CDH13: variants seen among roughly 807,000 people sequenced by gnomAD.
The protein encoded by CDH13 is cadherin 13.
A neutral mutation model predicts 63.8 loss-of-function variants in CDH13; 24 were observed. The observed-to-expected ratio is 0.38, with a 90% CI of 0.27 to 0.53. CDH13 has a LOEUF of 0.53. Among genes scored for constraint, CDH13 ranks in the 20% least tolerant of loss-of-function variants. The pLI is 0.85. For missense variants in CDH13, 1,049 were observed against 903.1 expected, an observed-to-expected ratio of 1.16 and a Z score of -2.07; for synonymous variants, 503 against 355.3, an observed-to-expected ratio of 1.42 and a Z score of -4.67.
At chr16:82,817,728 T>G (rs2037793368) in intron 1 of CDH13, among the ~76,000 whole-genome samples, 1 of 151,986 alleles carries the variant, frequency 6.6e-6, no homozygotes, top group African/African-American at 2.4e-5. Context: ...TCACTTGAAC[T>G]CAGGAGGCAG....
At chr16:82,999,949 G>T (rs1912682729) in intron 2 of CDH13, among the ~76,000 whole-genome samples, 1 of 152,080 alleles carries the variant, frequency 6.6e-6, no homozygotes, top group African/African-American at 2.4e-5. Context: ...GTCATGCTGG[G>T]GGATGCTGCT....
chr16:82,690,435 G>T (rs2150975111), intron 1 of CDH13, among the ~76,000 whole-genome samples: 1 of 152,190 alleles, frequency 6.6e-6, no homozygotes, highest in South Asian at 2.1e-4. Flanking sequence ...GTTCTCTGTG[G>T]AATAATCTTA....
intron 6 of CDH13, among the ~76,000 whole-genome samples, chr16:83,455,327 C>T (rs1315771607): frequency 6.6e-6 from 1 of 152,256 alleles, no homozygotes; most frequent in Non-Finnish European, 1.5e-5. Context: ...GACATTCAAC[C>T]AATGACAGCT....
intron 3 of CDH13, among the ~76,000 whole-genome samples, chr16:83,094,773 T>C (rs1235604191): frequency 1.3e-5 from 2 of 152,232 alleles, no homozygotes; most frequent in African/African-American, 4.8e-5. Context: ...AATTTAAAGT[T>C]GGTGACTTCC....
At chr16:82,893,011 A>G (rs1232149198) in intron 2 of CDH13, among the ~76,000 whole-genome samples, 2 of 152,372 alleles carry the variant, frequency 1.3e-5, no homozygotes, top group Non-Finnish European at 2.9e-5. Context: ...TTTGACCATT[A>G]TCTAAGAAAT....
rs535287062 is a variant in CDH13 at position 83,150,639 on chromosome 16, C to T, written c.483+25138C>T. On this transcript the variant is annotated intron_variant, in intron 4 of 13. Coordinates refer to ENST00000567109, the MANE Select transcript of CDH13 (RefSeq NM_001257.5). ...TGTTCAGATATCTGTCCTTATAGAGCGTTTTTTATCTCACTTACTATACTT... is the reference window on the plus strand; with the variant it reads ...TGTTCAGATATCTGTCCTTATAGAGTGTTTTTTATCTCACTTACTATACTT... Among the ~76,000 whole-genome samples, 52 of 152,282 alleles carry T rather than the reference C, an allele frequency of 3.4e-4. 1 individual carries two copies. The South Asian group carries it at 6.6e-3, about 19-fold the overall frequency.
chr16:82,755,278 G>A (rs55712489), intron 1 of CDH13, among the ~76,000 whole-genome samples: 11,585 of 152,192 alleles, frequency 0.076, 637 homozygotes, highest in Non-Finnish European at 0.11. Flanking sequence ...CCAAATGATG[G>A]CTCATGGGGA....
chr16:83,221,337 A>C (rs890252523), intron 5 of CDH13, among the ~76,000 whole-genome samples: 9 of 152,062 alleles, frequency 5.9e-5, no homozygotes, highest in Admixed American at 1.3e-4. Context: ...AAACTTCCCC[A>C]GCTTCTGACC....
chr16:83,044,398 G>A (rs1206374038), intron 3 of CDH13, among the ~76,000 whole-genome samples: 2 of 152,196 alleles, frequency 1.3e-5, no homozygotes, highest in Non-Finnish European at 2.9e-5. Flanking sequence ...TAAATCCAGA[G>A]CTGAGCAAAA....
At chr16:83,112,874 G>T (rs531764072) in intron 3 of CDH13, among the ~76,000 whole-genome samples, 1 of 152,250 alleles carries the variant, frequency 6.6e-6, no homozygotes, top group Admixed American at 6.5e-5. Context: ...TTGGCTATTA[G>T]GATAATTTCA....
At chr16:83,052,533 A>C (rs536059933) in intron 3 of CDH13, among the ~76,000 whole-genome samples, 2 of 152,332 alleles carry the variant, frequency 1.3e-5, no homozygotes, top group Admixed American at 1.3e-4. Flanking sequence ...TAATCCCAAC[A>C]GTTTGGGAGG....
intron 5 of CDH13, among the ~76,000 whole-genome samples, chr16:83,274,383 A>G (rs764827029): frequency 6.6e-6 from 1 of 151,998 alleles, no homozygotes; most frequent in Non-Finnish European, 1.5e-5. Context: ...TCTTCCTGCC[A>G]CTCATTATTT....
chr16:83,783,527 G>A lies in CDH13; in HGVS notation c.2134+55G>A, dbSNP rs750322892. On this transcript the variant is annotated intron_variant, in intron 13 of 13. Coordinates refer to ENST00000567109, the MANE Select transcript of CDH13 (RefSeq NM_001257.5). ...AAACAGGAAATTGTAACTTCACTGGGTTCGTGAAGCCAGCATTTTCCCATA... is the reference window on the plus strand; with the variant it reads ...AAACAGGAAATTGTAACTTCACTGGATTCGTGAAGCCAGCATTTTCCCATA... The A allele has an allele frequency of 4.4e-6, 6 of 1,360,744 alleles. No individual in the cohort carries two copies. The Admixed American group carries it at 6.7e-5, about 15-fold the overall frequency. The allele number at this position is 1,360,744 out of a possible 1,614,324, so 84.3% of individuals were successfully genotyped here. A position where few individuals can be genotyped will look rare whatever the true frequency, so the allele number is the denominator to read the frequency against.
intron 3 of CDH13, among the ~76,000 whole-genome samples, chr16:83,088,529 G>T (rs879478832): frequency 6.6e-6 from 1 of 152,146 alleles, no homozygotes. Context: ...TCCAAAAGCC[G>T]TTTCTGATAC....
chr16:83,747,409 G>C (rs527471387), intron 10 of CDH13, among the ~76,000 whole-genome samples: 21 of 152,106 alleles, frequency 1.4e-4, no homozygotes, highest in Admixed American at 1.4e-3. Flanking sequence ...CTGCCACCAC[G>C]TAAGACATGC....
chr16:83,473,109 G>C (rs2073502751), intron 6 of CDH13, among the ~76,000 whole-genome samples: 1 of 152,152 alleles, frequency 6.6e-6, no homozygotes, highest in African/African-American at 2.4e-5. Context: ...TTTCAGTTTT[G>C]TGTGACCCTA....
Position 83,071,716 on chromosome 16 carries a change from G to C in CDH13, c.366+39498G>C, listed in dbSNP as rs376549977. On this transcript the variant is annotated intron_variant, in intron 3 of 13. Transcript: ENST00000567109. ...TAAGTTGATAGGAGAAGACTATGTGGAGAAAATTTAACCATGTTAAATATT... is the reference window on the plus strand; with the variant it reads ...TAAGTTGATAGGAGAAGACTATGTGCAGAAAATTTAACCATGTTAAATATT... Among the ~76,000 whole-genome samples the C allele has an allele frequency of 6.4e-4, 98 of 152,252 alleles. 2 individuals carry two copies. In the South Asian group the frequency reaches 0.02, roughly 31 times the overall value.
intron 1 of CDH13, among the ~76,000 whole-genome samples, chr16:82,855,464 T>C (rs1221570930): frequency 6.6e-6 from 1 of 152,198 alleles, no homozygotes; most frequent in South Asian, 2.1e-4. Flanking sequence ...AACGCATAAT[T>C]GTAGGCACTG....
intron 7 of CDH13, among the ~76,000 whole-genome samples, chr16:83,510,617 G>T (rs554112467): frequency 6.6e-6 from 1 of 152,104 alleles, no homozygotes; most frequent in Non-Finnish European, 1.5e-5. Flanking sequence ...TCTACCCCTG[G>T]ACAGGAGACC....
Sources: allele counts gnomAD v4.1 joint callset (sites outside exome capture counted in the v4.1 genomes callset), GRCh38; gene constraint gnomAD v4.1.1; transcripts MANE v1.5; gene names NCBI Gene and HGNC (gene_info 2026-07-23, HGNC 2026-07-21).